SPTBN5: variants seen among roughly 807,000 people sequenced by gnomAD.
The protein encoded by SPTBN5 is spectrin beta, non-erythrocytic 5, also known as spectrin beta chain, non-erythrocytic 5.
Under a neutral mutation model 477.6 loss-of-function variants are expected in SPTBN5, and 513 were observed. The ratio of observed to expected loss-of-function variants is 1.07; its 90% CI spans 1.00 to 1.16. The LOEUF (loss-of-function observed/expected upper bound fraction) is 1.16. Ranked by LOEUF, SPTBN5 falls within the 50% of genes most tolerant of loss-of-function variation. The pLI, the probability that SPTBN5 is intolerant of heterozygous loss-of-function variation, is 0.00. For synonymous variants in SPTBN5, 2,169 were observed against 2,011.7 expected, an observed-to-expected ratio of 1.08 and a Z score of -2.09; for missense variants, 5,062 against 4,731.8, an observed-to-expected ratio of 1.07 and a Z score of -2.05.
At chr15:41,876,454 G>A (rs761463310) in intron 20 of SPTBN5, 94 bp downstream of exon 20, 40 of 1,344,074 alleles carry the variant, frequency 3.0e-5, no homozygotes, top group Non-Finnish European at 3.8e-5. Context: ...GACATAGCGC[G>A]TGAGGAAAGT....
rs1408107391 is a variant in SPTBN5, at chr15:41,866,098, C to T, written c.6762G>A (p.Arg2254=). 1 of 1,557,540 alleles carries T rather than the reference C, an allele frequency of 6.4e-7. No homozygotes were observed. The highest frequency in any genetic ancestry group is 8.7e-7 in the Non-Finnish European group (1 of 1,151,188). Residue 2254 remains arginine (R), a synonymous_variant, in exon 38 of 68, where the codon AGG becomes AGA. Coordinates refer to ENST00000320955, the MANE Select transcript of SPTBN5 (RefSeq NM_016642.4). ...MALRGQELED[R]RNFLEFLQRV... ...TCTGCAGGAACTCCAGGAAGTTCCGCCTGTCCTCCAGCTCCTGGCCCCTGA... is the reference window on the plus strand; with the variant it reads ...TCTGCAGGAACTCCAGGAAGTTCCGTCTGTCCTCCAGCTCCTGGCCCCTGA...
At chr15:41,890,327 G>A (rs553916568) in intron 3 of SPTBN5, 122 bp from the exon 4 acceptor site, 16 of 689,976 alleles carry the variant, frequency 2.3e-5, no homozygotes, top group South Asian at 1.0e-4. Context: ...GCCCCAGCTG[G>A]GAGTTCCCTC....
At chr15:41,879,549 C>T (rs1279979267) in intron 15 of SPTBN5, 50 bp from the exon 16 acceptor site, 1 of 1,517,286 alleles carries the variant, frequency 6.6e-7, no homozygotes, top group Non-Finnish European at 8.8e-7. Context: ...CCTCCCCATC[C>T]ATCCGGGAGC....
intron 6 of SPTBN5, 28 bp downstream of exon 6, chr15:41,887,185 C>T: frequency 6.5e-7 from 1 of 1,545,526 alleles, no homozygotes; most frequent in Non-Finnish European, 8.8e-7. Flanking sequence ...GGAGCCCTTG[C>T]TCACCCCACC....
In SPTBN5 at chr15:41,855,723, A is replaced by G. The variant is rs1427381658; in HGVS notation, c.9044T>C (p.Leu3015Pro). The change falls in exon 54 of 68, where the codon CTG becomes CCG. Residue 3015 changes from leucine to proline, a missense_variant. Coordinates refer to ENST00000320955, the MANE Select transcript of SPTBN5 (RefSeq NM_016642.4). ...GTCCAGGACATGGCCCCGCTCAGCC[A>G]GCCAGGATCCCGCCTCCAGGAGCTG... ...LTELLEAGSW[L>P]AERGHVLDSE... is the part of the protein sequence containing the mutation. The G allele has an allele frequency of 2.5e-6, 4 of 1,587,738 alleles. No individual in the cohort carries two copies. Among genetic ancestry groups the G allele is most frequent in the Non-Finnish European group, 2.6e-6 (3 of 1,167,306 alleles).
chr15:41,849,815 C>A, intron 67 of SPTBN5, 54 bp downstream of exon 67: 1 of 1,390,786 alleles, frequency 7.2e-7, no homozygotes, highest in Non-Finnish European at 1.0e-6. Flanking sequence ...CAGCGCCTGC[C>A]AGCCACTGAA....
At position 41,854,811 on chromosome 15, in the gene SPTBN5, A is replaced by G. The variant is rs1425447467; in HGVS notation, c.9589T>C (p.Leu3197=). 15 of 1,568,640 alleles carry G rather than the reference A, an allele frequency of 9.6e-6. No homozygotes were observed. Among genetic ancestry groups the G allele is most frequent in the Non-Finnish European group, 1.3e-5 (15 of 1,157,560 alleles). ...GTGCGGGCTTTTATTGCTTGGTCCA[A>G]CCTCTCCCAAGCAGCCTCAATGCGG... is the stretch of plus-strand genomic sequence containing the variant. ...RSRIEAAWER[L]DQAIKARTEN... Residue 3197 remains leucine (L), a synonymous_variant, in exon 56 of 68, where the codon TTG becomes CTG. Transcript: ENST00000320955.
At position 41,853,225 on chromosome 15, in the gene SPTBN5, G is replaced by C. The variant is rs749993153; in HGVS notation, c.10170+33C>G. On this transcript the variant is annotated intron_variant, in intron 59 of 67. Coordinates refer to ENST00000320955, the MANE Select transcript of SPTBN5 (RefSeq NM_016642.4). ...CCTGGGCAATCAGGCTGTATCCCCA[G>C]CCCAACCCCAGGCCCACCCTCTGAG... 5.1e-6 allele frequency: 8 copies of C among 1,558,556 alleles called. No homozygotes were observed. In the Admixed American group the frequency reaches 7.0e-5, roughly 14 times the overall value.
At position 41,876,297 on chromosome 15, in the gene SPTBN5, A is replaced by C; in HGVS notation, c.3952-13T>G. The C allele has an allele frequency of 6.5e-7, 1 of 1,541,370 alleles. No individual in the cohort carries two copies. The highest frequency in any genetic ancestry group is 1.2e-5 in the South Asian group (1 of 84,474). ...CCTGCTTCCACTCCTGCCAAGAACC[A>C]GGCGAGAGTGGGTCTCAGAGCACGG... On this transcript the variant is annotated splice_polypyrimidine_tract_variant and intron_variant, in intron 20 of 67. Coordinates refer to ENST00000320955, the MANE Select transcript of SPTBN5 (RefSeq NM_016642.4).
At chr15:41,875,194 A>T (rs758697583) in intron 22 of SPTBN5, 138 bp from the exon 23 acceptor site, 3 of 922,894 alleles carry the variant, frequency 3.3e-6, no homozygotes, top group Non-Finnish European at 4.8e-6. Context: ...ACCCTCGGCC[A>T]GAAGTGCCCA....
chr15:41,882,232 G>GGCCCCCCCCCCC, intron 11 of SPTBN5, 37 bp downstream of exon 11: 3 of 1,254,130 alleles, frequency 2.4e-6, no homozygotes, highest in Non-Finnish European at 2.1e-6. Context: ...GCCTCGCCGG[G>GGCCCCCCCCCCC]CCCCGCCCCC....
At chr15:41,892,037 G>T (rs749916812) in intron 3 of SPTBN5, among the ~76,000 whole-genome samples, 2 of 152,182 alleles carry the variant, frequency 1.3e-5, no homozygotes, top group Non-Finnish European at 2.9e-5. Flanking sequence ...GCATTCTGCA[G>T]CTGGCAGCGT....
chr15:41,858,667 G>C lies in SPTBN5; in HGVS notation c.8161C>G (p.Gln2721Glu). ...TCCGCCTGGAAATTCTGCTGCTTCTGTAACTGTGCTGGCAGCATGGCTGTG... is the reference window on the plus strand; with the variant it reads ...TCCGCCTGGAAATTCTGCTGCTTCTCTAACTGTGCTGGCAGCATGGCTGTG... Reference protein sequence around the residue: ...LDTAMLPAQLQKQQNFQAELD... With the variant: ...LDTAMLPAQLEKQQNFQAELD... Residue 2721 changes from glutamine (Q) to glutamate (E), a missense_variant, in exon 49 of 68, where the codon CAG (glutamine) becomes GAG (glutamate). Physicochemically the swap from Gln to Glu is conservative, Grantham distance 29. Transcript: ENST00000320955. 1 of 1,611,486 alleles carries C rather than the reference G, an allele frequency of 6.2e-7. No individual in the cohort carries two copies. Among genetic ancestry groups the C allele is most frequent in the Middle Eastern group, 1.7e-4 (1 of 6,058 alleles).
chr15:41,852,634 C>T lies in SPTBN5; in HGVS notation c.10449G>A (p.Glu3483=), dbSNP rs955573605. 1 of 1,613,194 alleles carries T rather than the reference C, an allele frequency of 6.2e-7. No individual in the cohort carries two copies. The highest frequency in any genetic ancestry group is 8.5e-7 in the Non-Finnish European group (1 of 1,179,812). ...AGCCCCTAGCCGAGGCAGTCGTCAC[C>T]TCTGTCTTTTGCATTTGGGCAAACT... ...EEKFAQMQKT[E]MEQELLLQPQ... Residue 3483 remains glutamate (E), a splice_region_variant and synonymous_variant, in exon 61 of 68, where the codon GAG becomes GAA. Transcript: ENST00000320955.
intron 56 of SPTBN5, among the ~76,000 whole-genome samples, 161 bp downstream of exon 56, chr15:41,854,621 A>G (rs1468741886): frequency 2.0e-5 from 3 of 152,130 alleles, no homozygotes; most frequent in Admixed American, 1.3e-4. Flanking sequence ...GCTGCAGCCA[A>G]TTCCTGGAAG....
Position 41,871,515 on chromosome 15 carries a change from G to C in SPTBN5, c.5307C>G (p.Leu1769=), listed in dbSNP as rs1419312840. 6.7e-7 allele frequency: 1 copy of C among 1,485,562 alleles called. No individual in the cohort carries two copies. The highest frequency in any genetic ancestry group is 1.4e-5 in the South Asian group (1 of 73,428). 92.0% of individuals were successfully genotyped at this position (1,485,562 alleles called of 1,614,324 possible). ...LGEDPEHALH[L]CTKFAKFQHQ... The stretch of plus-strand genomic sequence containing the variant: ...GCTGAAACTTTGCAAACTTGGTGCA[G>C]AGGTGCTGAGAAGAGGGGAGTGGGT... Residue 1769 remains leucine, a synonymous_variant, in exon 29 of 68, where the codon CTC becomes CTG. Coordinates refer to ENST00000320955, the MANE Select transcript of SPTBN5 (RefSeq NM_016642.4).
intron 39 of SPTBN5, among the ~76,000 whole-genome samples, chr15:41,864,823 T>G (rs2140932669): frequency 6.6e-6 from 1 of 152,362 alleles, no homozygotes; most frequent in South Asian, 2.1e-4. Context: ...GCAGATCTCC[T>G]GCCTCTGGCT....
chr15:41,879,293 C>T lies in SPTBN5; in HGVS notation c.3149G>A (p.Arg1050Lys), dbSNP rs2066862992. The change falls in exon 16 of 68, where the codon AGG becomes AAG. Residue 1050 changes from arginine to lysine, a missense_variant. Physicochemically the swap from Arg to Lys is conservative, Grantham distance 26. Transcript: ENST00000320955. ...CACACTTTGGAGGAAGTGGACCCTC[C>T]TCTCCAGCACCAGGGTCTTCTTCTG... ...LAQKKTLVLE[R>K]RVHFLQSVVV... is the part of the protein sequence containing the mutation. The T allele has an allele frequency of 1.2e-6, 2 of 1,611,934 alleles. No homozygotes were observed. Among genetic ancestry groups the T allele is most frequent in the Non-Finnish European group, 1.7e-6 (2 of 1,179,854 alleles).
intron 56 of SPTBN5, 90 bp from the exon 57 acceptor site, chr15:41,854,295 T>TG: frequency 1.4e-6 from 2 of 1,468,270 alleles, no homozygotes; most frequent in Non-Finnish European, 9.1e-7. Flanking sequence ...GCCACCTCCT[T>TG]TTGAACAAGG....
Sources: allele counts gnomAD v4.1 joint callset (sites outside exome capture counted in the v4.1 genomes callset), GRCh38; gene constraint gnomAD v4.1.1; transcripts MANE v1.5; gene names NCBI Gene and HGNC (gene_info 2026-07-23, HGNC 2026-07-21).